Variants in FSHR observed in about 807,000 individuals in gnomAD.
FSHR encodes the protein follicle stimulating hormone receptor, also known as follicle-stimulating hormone receptor.
In FSHR, 46 loss-of-function variants were observed where a neutral mutation model predicts 52.1. That is an observed-to-expected ratio of 0.88 (90% CI 0.70 to 1.13). The LOEUF (loss-of-function observed/expected upper bound fraction) is 1.13, where lower values mean the gene tolerates loss of function less well. Ranked by LOEUF, FSHR falls within the 50% of genes most tolerant of loss-of-function variation. The pLI is 0.00. For missense variants in FSHR, 964 were observed against 834.6 expected, an observed-to-expected ratio of 1.16 and a Z score of -1.91; for synonymous variants, 399 against 309.6, an observed-to-expected ratio of 1.29 and a Z score of -3.03.
At chr2:49,147,083 C>T (rs1021066952) in intron 1 of FSHR, among the ~76,000 whole-genome samples, 4 of 152,006 alleles carry the variant, frequency 2.6e-5, no homozygotes, top group Non-Finnish European at 2.9e-5. Context: ...TTTTACATAT[C>T]CTTTGAAGAT....
chr2:49,025,409 A>C (rs1413574982), intron 2 of FSHR, among the ~76,000 whole-genome samples: 1 of 152,174 alleles, frequency 6.6e-6, no homozygotes, highest in Non-Finnish European at 1.5e-5. Flanking sequence ...TTACTAGAAA[A>C]AATAAACTTT....
chr2:49,086,431 C>T (rs1211949567), intron 1 of FSHR, among the ~76,000 whole-genome samples: 1 of 152,132 alleles, frequency 6.6e-6, no homozygotes, highest in Non-Finnish European at 1.5e-5. Flanking sequence ...GAGTCAGAGT[C>T]CTTGCTGATT....
intron 1 of FSHR, among the ~76,000 whole-genome samples, chr2:49,108,484 C>A (rs1347557653): frequency 6.6e-6 from 1 of 152,110 alleles, no homozygotes; most frequent in East Asian, 1.9e-4. Context: ...TTATTTTTCC[C>A]TACTCTGGCC....
At chr2:49,020,356 A>G (rs1311717305) in intron 2 of FSHR, among the ~76,000 whole-genome samples, 196 bp from the exon 3 acceptor site, 2 of 152,240 alleles carry the variant, frequency 1.3e-5, no homozygotes, top group Non-Finnish European at 2.9e-5. Flanking sequence ...CAAGAGGAGA[A>G]TAAGTCGAAG....
chr2:49,115,455 C>T (rs1002900312), intron 1 of FSHR, among the ~76,000 whole-genome samples: 1 of 151,894 alleles, frequency 6.6e-6, no homozygotes, highest in Non-Finnish European at 1.5e-5. Flanking sequence ...TGTGTAATCT[C>T]GTAAACCAAT....
chr2:49,136,835 C>T (rs72821789), intron 1 of FSHR, among the ~76,000 whole-genome samples: 1,620 of 152,044 alleles, frequency 0.011, 16 homozygotes, highest in Non-Finnish European at 0.018. Context: ...GGTAAGAATA[C>T]TTAACAAAAA....
At chr2:49,107,420 T>C (rs754112228) in intron 1 of FSHR, among the ~76,000 whole-genome samples, 5 of 152,160 alleles carry the variant, frequency 3.3e-5, no homozygotes, top group Non-Finnish European at 7.4e-5. Context: ...ACTGTGACTC[T>C]AGGCTGACCT....
chr2:49,013,791 T>C (rs1313696976), intron 4 of FSHR, among the ~76,000 whole-genome samples: 1 of 151,808 alleles, frequency 6.6e-6, no homozygotes, highest in Non-Finnish European at 1.5e-5. Context: ...CCTCCCCAAA[T>C]TTATATGTTG....
chr2:49,005,277 C>T (rs1331438732), intron 4 of FSHR, among the ~76,000 whole-genome samples: 1 of 152,106 alleles, frequency 6.6e-6, no homozygotes, highest in African/African-American at 2.4e-5. Context: ...AGATGACCGG[C>T]TTGGGCTGAA....
At chr2:49,097,924 A>G (rs1670885938) in intron 1 of FSHR, among the ~76,000 whole-genome samples, 1 of 151,422 alleles carries the variant, frequency 6.6e-6, no homozygotes, top group African/African-American at 2.4e-5. Flanking sequence ...TTTATCTTAT[A>G]AATTTATACT....
chr2:49,118,269 G>A (rs893699362), intron 1 of FSHR, among the ~76,000 whole-genome samples: 2 of 152,118 alleles, frequency 1.3e-5, no homozygotes, highest in African/African-American at 4.8e-5. Flanking sequence ...GGAGCACAGA[G>A]GTTTCAGAGA....
chr2:49,099,842 CGTTCT>C (rs1670962520), intron 1 of FSHR, among the ~76,000 whole-genome samples: 1 of 152,090 alleles, frequency 6.6e-6, no homozygotes, highest in African/African-American at 2.4e-5. Flanking sequence ...CTAAGTTTAG[CGTTCT>C]AACCTCCAGA....
intron 1 of FSHR, among the ~76,000 whole-genome samples, chr2:49,073,679 G>T (rs991399241): frequency 6.6e-6 from 1 of 151,950 alleles, no homozygotes; most frequent in Non-Finnish European, 1.5e-5. Flanking sequence ...ATTCTTTATA[G>T]AAATAAAAAA....
intron 1 of FSHR, among the ~76,000 whole-genome samples, chr2:49,110,430 T>C (rs1308566691): frequency 6.6e-6 from 1 of 152,182 alleles, no homozygotes; most frequent in African/African-American, 2.4e-5. Flanking sequence ...AACACTTGAA[T>C]TGTAAATCAT....
intron 1 of FSHR, among the ~76,000 whole-genome samples, chr2:49,105,468 TC>T (rs1186015102): frequency 6.6e-6 from 1 of 151,962 alleles, no homozygotes; most frequent in Middle Eastern, 3.4e-3. Context: ...GTCAGGCCCC[TC>T]CCCTTTTGTG....
chr2:48,967,555 A>G (rs1376952604), intron 9 of FSHR, among the ~76,000 whole-genome samples: 2 of 152,230 alleles, frequency 1.3e-5, no homozygotes, highest in Non-Finnish European at 2.9e-5. Flanking sequence ...TCTGATTGTC[A>G]GGAAGAAATT....
intron 9 of FSHR, among the ~76,000 whole-genome samples, chr2:48,964,527 G>A (rs964841502): frequency 2.0e-5 from 3 of 152,240 alleles, no homozygotes; most frequent in Admixed American, 6.5e-5. Context: ...CTAATTTGCC[G>A]GAAATGTTAC....
chr2:48,988,356 A>T (rs60376465), intron 6 of FSHR, among the ~76,000 whole-genome samples: 3,591 of 152,304 alleles, frequency 0.024, 140 homozygotes, highest in African/African-American at 0.081. Context: ...TCCCAGGCAT[A>T]CTTAGATAGC....
chr2:48,983,796 G>T (rs1029823645), intron 6 of FSHR, among the ~76,000 whole-genome samples: 2 of 152,168 alleles, frequency 1.3e-5, no homozygotes, highest in African/African-American at 2.4e-5. Flanking sequence ...CTGTGGCAGG[G>T]TGAGGTGATC....
Sources: gnomAD v4.1 joint callset for allele counts (sites outside exome capture counted in the v4.1 genomes callset) on GRCh38, gnomAD v4.1.1 for gene constraint, MANE v1.5 for transcripts, NCBI Gene and HGNC (gene_info 2026-07-23, HGNC 2026-07-21) for gene names.